The following MTCL2 variants were observed in gnomAD, a reference collection of about 807,000 sequenced individuals.
MTCL2 encodes the protein microtubule cross-linking factor 2.
chr20:36,862,884 A>AC, the MTCL2 span: 1 of 1,239,442 alleles, frequency 8.1e-7, no homozygotes. Context: ...CCCCGTACGG[A>AC]CCCCCGCCGG....
chr20:36,812,413 A>G, the MTCL2 span, among the ~76,000 whole-genome samples: 1 of 152,228 alleles, frequency 6.6e-6, no homozygotes, highest in African/African-American at 2.4e-5. Flanking sequence ...TGCTACATAC[A>G]TGAGTAGTTC....
At chr20:36,850,499 C>T in the MTCL2 span, among the ~76,000 whole-genome samples, 1 of 150,450 alleles carries the variant, frequency 6.6e-6, no homozygotes, top group Non-Finnish European at 1.5e-5. Context: ...ATACTCCAGC[C>T]GGGATGACAG....
the MTCL2 span, chr20:36,863,021 T>C: frequency 7.2e-7 from 1 of 1,398,156 alleles, no homozygotes; most frequent in Non-Finnish European, 9.3e-7. This position sits in a 1 kb window ranked among gnomAD's most constrained non-coding sequence, Gnocchi z 6.2. Flanking sequence ...GCGGTGGCGG[T>C]CGCGGCCCCG....
the MTCL2 span, among the ~76,000 whole-genome samples, chr20:36,851,340 G>A: frequency 6.6e-6 from 1 of 152,166 alleles, no homozygotes; most frequent in Non-Finnish European, 1.5e-5. Flanking sequence ...AAAACCTCCA[G>A]TGACTTTTCA....
chr20:36,785,783 A>G, the MTCL2 span: 2 of 985,334 alleles, frequency 2.0e-6, no homozygotes. Context: ...TCACTCCCCA[A>G]CCCTGAGCCC....
At chr20:36,815,009 C>G in the MTCL2 span, 25 of 1,002,684 alleles carry the variant, frequency 2.5e-5, no homozygotes, top group Admixed American at 2.1e-4. The surrounding 1 kb of genome is among the most constrained non-coding windows in gnomAD (Gnocchi z 5.3). Flanking sequence ...CTGCAGTGAA[C>G]TGAGATTGCA....
chr20:36,815,819 C>A, the MTCL2 span: 3 of 1,594,848 alleles, frequency 1.9e-6, no homozygotes, highest in South Asian at 1.1e-5. This position sits in a 1 kb window ranked among gnomAD's most constrained non-coding sequence, Gnocchi z 5.3. Context: ...CCAGCTCGTT[C>A]AGCAGCAGCT....
the MTCL2 span, among the ~76,000 whole-genome samples, chr20:36,794,999 C>T: frequency 6.6e-6 from 1 of 151,570 alleles, no homozygotes; most frequent in Non-Finnish European, 1.5e-5. The surrounding 1 kb of genome is among the most constrained non-coding windows in gnomAD (Gnocchi z 5.4). Flanking sequence ...AGTGCAGTGG[C>T]ATGATCTCGG....
At chr20:36,804,208 A>C in the MTCL2 span, among the ~76,000 whole-genome samples, 2 of 152,148 alleles carry the variant, frequency 1.3e-5, no homozygotes, top group Non-Finnish European at 2.9e-5. Context: ...GCTGGAGCCC[A>C]AGCTGCAGGG....
the MTCL2 span, chr20:36,786,186 A>G: frequency 2.9e-6 from 3 of 1,051,242 alleles, no homozygotes; most frequent in Non-Finnish European, 3.4e-6. Context: ...GCTCTCTCTT[A>G]GGACCCAGGG....
the MTCL2 span, among the ~76,000 whole-genome samples, chr20:36,798,057 T>C: frequency 6.6e-6 from 1 of 152,062 alleles, no homozygotes; most frequent in Admixed American, 6.6e-5. Flanking sequence ...CTATCTCCTA[T>C]GCACACATTA....
the MTCL2 span, among the ~76,000 whole-genome samples, chr20:36,801,167 T>C: frequency 1.8e-4 from 28 of 152,258 alleles, no homozygotes; most frequent in Non-Finnish European, 3.4e-4. Context: ...TAGCCTCTCA[T>C]GTAGCTGGGA....
the MTCL2 span, among the ~76,000 whole-genome samples, chr20:36,852,724 C>A: frequency 6.6e-6 from 1 of 152,074 alleles, no homozygotes; most frequent in Non-Finnish European, 1.5e-5. Context: ...AGCATCCTTG[C>A]GAAGAAGCTA....
chr20:36,823,297 G>A, the MTCL2 span, among the ~76,000 whole-genome samples: 2 of 152,138 alleles, frequency 1.3e-5, no homozygotes, highest in South Asian at 2.1e-4. Context: ...CTCCTTTCCC[G>A]GGCAACTGGC....
the MTCL2 span, chr20:36,783,082 G>T: frequency 6.6e-6 from 1 of 152,156 alleles, no homozygotes; most frequent in African/African-American, 2.4e-5. Flanking sequence ...ATGGAACCAT[G>T]TCAGCAAGGG....
the MTCL2 span, among the ~76,000 whole-genome samples, chr20:36,799,904 T>C: frequency 1.3e-5 from 2 of 152,160 alleles, no homozygotes; most frequent in African/African-American, 2.4e-5. Flanking sequence ...TCAAGAATGG[T>C]CATCCTTATT....
the MTCL2 span, among the ~76,000 whole-genome samples, chr20:36,858,936 G>A: frequency 6.6e-5 from 10 of 152,208 alleles, no homozygotes; most frequent in African/African-American, 1.4e-4. Context: ...GATTACAGGC[G>A]CCCACGACCA....
At chr20:36,846,205 C>CAA in the MTCL2 span, among the ~76,000 whole-genome samples, 13 of 122,428 alleles carry the variant, frequency 1.1e-4, no homozygotes, top group African/African-American at 3.6e-4. Flanking sequence ...GACTGTGTCT[C>CAA]AAAAAAAAAA....
chr20:36,810,900 T>C, the MTCL2 span, among the ~76,000 whole-genome samples: 2 of 152,238 alleles, frequency 1.3e-5, no homozygotes, highest in African/African-American at 4.8e-5. Flanking sequence ...TTGTATATTT[T>C]TGATAGAGAC....
Sources: allele counts gnomAD v4.1 joint callset (sites outside exome capture counted in the v4.1 genomes callset), GRCh38; gene constraint gnomAD v4.1.1; non-coding constraint Gnocchi (gnomAD v3.1); transcripts MANE v1.5; gene names NCBI Gene and HGNC (gene_info 2026-07-23, HGNC 2026-07-21).